The following OR6N1 variants were observed in gnomAD, a reference collection of about 807,000 sequenced individuals.
The protein encoded by OR6N1 is olfactory receptor family 6 subfamily N member 1.
For synonymous variants in OR6N1, 170 were observed against 150.7 expected (o/e 1.13, Z -0.94); for missense variants, 394 against 371.7 (o/e 1.06, Z -0.49).
At chr1:158,795,077 A>C in the OR6N1 span, among the ~76,000 whole-genome samples, 1 of 152,210 alleles carries the variant, frequency 6.6e-6, no homozygotes, top group Non-Finnish European at 1.5e-5. Flanking sequence ...ATGTGGGTGC[A>C]GGCAGTGGCC....
chr1:158,776,914 C>T, upstream of OR6N1: 1 of 1,614,002 alleles, frequency 6.2e-7, no homozygotes, highest in South Asian at 1.1e-5. Flanking sequence ...ATGTGAGGCA[C>T]AGGTAGAAAA....
chr1:158,767,973 G>C (rs367670892), intron 1 of OR6N1, among the ~76,000 whole-genome samples: 1 of 151,834 alleles, frequency 6.6e-6, no homozygotes, highest in Non-Finnish European at 1.5e-5. Flanking sequence ...TGGACTATCT[G>C]TTTCTTGACA....
At chr1:158,835,172 C>G in the OR6N1 span, among the ~76,000 whole-genome samples, 1 of 152,174 alleles carries the variant, frequency 6.6e-6, no homozygotes, top group Non-Finnish European at 1.5e-5. Context: ...TTTTGCATTA[C>G]AGATTACATT....
chr1:158,787,689 A>G, the OR6N1 span, among the ~76,000 whole-genome samples: 1 of 151,266 alleles, frequency 6.6e-6, no homozygotes, highest in African/African-American at 2.4e-5. Flanking sequence ...ATACACACGA[A>G]CATTTTATTT....
the OR6N1 span, among the ~76,000 whole-genome samples, chr1:158,829,737 G>A: frequency 7.2e-5 from 11 of 152,136 alleles, no homozygotes; most frequent in Middle Eastern, 6.8e-3. Context: ...TACTTTATTA[G>A]TCTGTTTTCA....
intron 1 of OR6N1, among the ~76,000 whole-genome samples, chr1:158,771,678 G>T (rs568053739): frequency 6.6e-6 from 1 of 152,294 alleles, no homozygotes; most frequent in South Asian, 2.1e-4. Context: ...GGTAAGAAGG[G>T]AGATGCAATT....
At chr1:158,809,740 A>G in the OR6N1 span, among the ~76,000 whole-genome samples, 1 of 152,162 alleles carries the variant, frequency 6.6e-6, no homozygotes, top group African/African-American at 2.4e-5. Flanking sequence ...TGACTGTTGA[A>G]GCTTCTTTCA....
At chr1:158,817,955 G>A in the OR6N1 span, among the ~76,000 whole-genome samples, 19 of 152,278 alleles carry the variant, frequency 1.2e-4, no homozygotes, top group South Asian at 6.2e-4. Flanking sequence ...CTAAGGATGC[G>A]TCCTTTAATA....
the OR6N1 span, among the ~76,000 whole-genome samples, chr1:158,833,690 C>T: frequency 2.6e-5 from 4 of 152,034 alleles, no homozygotes; most frequent in Non-Finnish European, 5.9e-5. Flanking sequence ...GAATAATATT[C>T]CATTTCATGT....
At chr1:158,829,104 T>C in the OR6N1 span, among the ~76,000 whole-genome samples, 6 of 152,214 alleles carry the variant, frequency 3.9e-5, no homozygotes, top group Admixed American at 6.5e-5. Context: ...CCTCCAGGCC[T>C]GTGATGGGAC....
chr1:158,835,114 T>A, the OR6N1 span, among the ~76,000 whole-genome samples: 2 of 152,234 alleles, frequency 1.3e-5, no homozygotes, highest in African/African-American at 2.4e-5. Context: ...AAATTCTACA[T>A]GAATTTTAAG....
At chr1:158,803,783 GT>G in the OR6N1 span, among the ~76,000 whole-genome samples, 1 of 152,156 alleles carries the variant, frequency 6.6e-6, no homozygotes, top group Non-Finnish European at 1.5e-5. Flanking sequence ...GTAGATATGC[GT>G]ACTAAACAAT....
At chr1:158,783,389 T>C in the OR6N1 span, among the ~76,000 whole-genome samples, 1 of 152,234 alleles carries the variant, frequency 6.6e-6, no homozygotes, top group African/African-American at 2.4e-5. Context: ...AAGCTAAAGA[T>C]ATTTCATATG....
rs1657193498 is a variant in OR6N1, at chr1:158,764,543, T to C, written c.*1201A>G. On this transcript the variant is annotated 3_prime_UTR_variant, in exon 2 of 2. Coordinates refer to ENST00000641846, the MANE Select transcript of OR6N1 (RefSeq NM_001005185.2). ...TTGAATGCATGGATGGATGAATACC[T>C]TTAAAAGTGTGGTATTAAAAATATT... The C allele has an allele frequency of 1.3e-5, 2 of 152,052 alleles. No individual in the cohort carries two copies. The highest frequency in any genetic ancestry group is 4.1e-4 in the South Asian group (2 of 4,824). 9.4% of individuals were successfully genotyped at this position (152,052 alleles called of 1,614,324 possible). A position where few individuals can be genotyped will look rare whatever the true frequency, so the allele number is the denominator to read the frequency against.
At chr1:158,833,088 A>G in the OR6N1 span, among the ~76,000 whole-genome samples, 1 of 152,288 alleles carries the variant, frequency 6.6e-6, no homozygotes, top group Non-Finnish European at 1.5e-5. Context: ...TCACCTGTTA[A>G]GAGTATGTTC....
the OR6N1 span, among the ~76,000 whole-genome samples, chr1:158,796,976 C>T: frequency 5.3e-5 from 8 of 151,920 alleles, no homozygotes; most frequent in Non-Finnish European, 1.2e-4. Flanking sequence ...AGAGTGCTGC[C>T]TGTCCAGGAT....
In OR6N1 at chr1:158,765,917, G is replaced by T; in HGVS notation, c.766C>A (p.Leu256Ile). The T allele has an allele frequency of 6.2e-7, 1 of 1,614,166 alleles. No homozygotes were observed. The highest frequency in any genetic ancestry group is 8.5e-7 in the Non-Finnish European group (1 of 1,180,016). ...TVVLIFYGSI[L>I]SMYVQLKKSY... ...TTCTTCAGCTGCACATACATGGAAA[G>T]GATGCTCCCATAGAAGATGAGAACC... Residue 256 changes from leucine (L) to isoleucine (I), a missense_variant, in exon 2 of 2, where the codon CTT becomes ATT. Leu to Ile is a conservative substitution (Grantham distance 5). Transcript: ENST00000641846.
chr1:158,804,548 A>G, the OR6N1 span, among the ~76,000 whole-genome samples: 1 of 152,358 alleles, frequency 6.6e-6, no homozygotes, highest in Non-Finnish European at 1.5e-5. Flanking sequence ...CAGCATGTTC[A>G]AATTTTCATA....
the OR6N1 span, among the ~76,000 whole-genome samples, chr1:158,779,135 C>A: frequency 0.017 from 2,585 of 151,920 alleles, 79 homozygotes; most frequent in African/African-American, 0.06. Context: ...ATATAGCTGG[C>A]TTGGTGAAAT....
Sources: gnomAD v4.1 joint callset for allele counts (sites outside exome capture counted in the v4.1 genomes callset) on GRCh38, gnomAD v4.1.1 for gene constraint, MANE v1.5 for transcripts, NCBI Gene and HGNC (gene_info 2026-07-23, HGNC 2026-07-21) for gene names.